The following CEP112 variants were observed in gnomAD, a reference collection of about 807,000 sequenced individuals.
CEP112 encodes centrosomal protein 112.
In CEP112, 127 loss-of-function variants were observed where a neutral mutation model predicts 153.0. The ratio of observed to expected loss-of-function variants is 0.83; its 90% CI spans 0.72 to 0.96. The LOEUF is 0.96. CEP112 is among the 40% of genes least tolerant of loss of function. CEP112 has a pLI of 0.00. For synonymous variants in CEP112, 358 were observed against 374.4 expected (o/e 0.96, Z 0.51); for missense variants, 1,089 against 1,101.2 (o/e 0.99, Z 0.16).
At position 66,132,639 on chromosome 17, in the gene CEP112, A is replaced by T. The variant is rs185466737; in HGVS notation, c.564+31T>A. On this transcript the variant is annotated intron_variant, in intron 5 of 26. Transcript: ENST00000535342. ...TTCAGCTATTTTAAAACAACAAGCA[A>T]AAACCAAACAAAAGTAAAATCTAAT... 11,129 of 1,508,902 alleles carry T rather than the reference A, an allele frequency of 7.4e-3. 49 individuals carry two copies. Among genetic ancestry groups the T allele is most frequent in the Non-Finnish European group, 9.4e-3 (10,186 of 1,085,026 alleles). 93.5% of individuals were successfully genotyped at this position (1,508,902 alleles called of 1,614,324 possible). A position where few individuals can be genotyped will look rare whatever the true frequency, so the allele number is the denominator to read the frequency against.
At chr17:66,073,888 A>G (rs1181257189) in intron 8 of CEP112, among the ~76,000 whole-genome samples, 5 of 152,204 alleles carry the variant, frequency 3.3e-5, no homozygotes, top group African/African-American at 1.2e-4. Context: ...CAAGGTATCA[A>G]CCACAAGGTC....
At chr17:66,150,117 G>T (rs12946674) in intron 4 of CEP112, among the ~76,000 whole-genome samples, 19,224 of 144,664 alleles carry the variant, frequency 0.13, 1,721 homozygotes, top group Non-Finnish European at 0.2. Flanking sequence ...AGCCAGGATG[G>T]TCTCGATCTC....
At chr17:66,019,378 C>T (rs550344159) in intron 16 of CEP112, among the ~76,000 whole-genome samples, 6 of 152,220 alleles carry the variant, frequency 3.9e-5, no homozygotes, top group Admixed American at 1.3e-4. Flanking sequence ...TCCAGAGCTA[C>T]GGAAGATTTA....
At chr17:65,777,905 A>C (rs966704181) in intron 21 of CEP112, among the ~76,000 whole-genome samples, 1 of 152,110 alleles carries the variant, frequency 6.6e-6, no homozygotes. Context: ...ATAGGCTTAA[A>C]ACCATTACTT....
chr17:66,007,842 G>A (rs74549801), intron 16 of CEP112, among the ~76,000 whole-genome samples: 327 of 152,124 alleles, frequency 2.1e-3, no homozygotes, highest in South Asian at 4.4e-3. Flanking sequence ...TGCTTTAATC[G>A]TTCTTTCTTA....
intron 23 of CEP112, among the ~76,000 whole-genome samples, chr17:65,704,420 TACACACACACACACACAC>T (rs3074178): frequency 6.8e-6 from 1 of 147,702 alleles, no homozygotes; most frequent in Non-Finnish European, 1.5e-5. Context: ...ACGTGTAAAA[TACACACACACACACACAC>T]ACACACACAC....
chr17:66,038,110 A>AAAAGAAAAAAAG (rs1555778646), intron 12 of CEP112, among the ~76,000 whole-genome samples: 1 of 120,658 alleles, frequency 8.3e-6, no homozygotes, highest in African/African-American at 3.3e-5. Flanking sequence ...CAAAAAAAAA[A>AAAAGAAAAAAAG]AAAAGAAAAG....
At position 65,991,455 on chromosome 17, in the gene CEP112, C is replaced by G. The variant is rs7207295; in HGVS notation, c.1736+14235G>C. Among the ~76,000 whole-genome samples, 394 of 152,154 alleles carry G rather than the reference C, an allele frequency of 2.6e-3. 1 individual carries two copies. Among genetic ancestry groups the G allele is most frequent in the African/African-American group, 9.1e-3 (378 of 41,546 alleles). ...AAAAAATATATTCAAAAGTTACAAA[C>G]TTAATTAATCTTTAAATATATATGC... On this transcript the variant is annotated intron_variant, in intron 17 of 26. Transcript: ENST00000535342.
At chr17:65,937,414 C>T (rs1480860112) in intron 18 of CEP112, among the ~76,000 whole-genome samples, 1 of 111,598 alleles carries the variant, frequency 9.0e-6, no homozygotes, top group African/African-American at 3.1e-5. Flanking sequence ...ATGTGGGGAG[C>T]GCCTCTGCCC....
At chr17:65,838,663 A>T (rs1479904099) in intron 21 of CEP112, among the ~76,000 whole-genome samples, 1 of 152,122 alleles carries the variant, frequency 6.6e-6, no homozygotes, top group African/African-American at 2.4e-5. Context: ...TGGAGCAAAA[A>T]TAACTGAAAT....
intron 24 of CEP112, among the ~76,000 whole-genome samples, chr17:65,661,226 A>G (rs7212269): frequency 0.076 from 11,604 of 152,100 alleles, 611 homozygotes; most frequent in Admixed American, 0.16. Flanking sequence ...CCATTCTTAC[A>G]TAGGACCTTC....
chr17:65,700,144 T>C (rs891628088), intron 23 of CEP112, among the ~76,000 whole-genome samples: 2 of 151,778 alleles, frequency 1.3e-5, no homozygotes, highest in Admixed American at 1.3e-4. Flanking sequence ...CTTGCGGATA[T>C]TTCCCTAACT....
At chr17:65,638,949 T>A (rs556905555) in intron 25 of CEP112, among the ~76,000 whole-genome samples, 7 of 152,120 alleles carry the variant, frequency 4.6e-5, no homozygotes, top group African/African-American at 1.7e-4. Flanking sequence ...AGGTCCTACA[T>A]AGCTGACACT....
chr17:66,183,600 G>T (rs1040924090), intron 1 of CEP112, among the ~76,000 whole-genome samples: 2 of 152,124 alleles, frequency 1.3e-5, no homozygotes, highest in Non-Finnish European at 2.9e-5. Context: ...AGCCACAGTA[G>T]TCAAGACAAT....
intron 24 of CEP112, among the ~76,000 whole-genome samples, chr17:65,657,725 A>G (rs2046130833): frequency 6.6e-6 from 1 of 152,194 alleles, no homozygotes; most frequent in African/African-American, 2.4e-5. Flanking sequence ...GAGGTTTATA[A>G]CTGACTTTGT....
intron 17 of CEP112, among the ~76,000 whole-genome samples, chr17:65,987,454 C>T (rs986196937): frequency 6.6e-6 from 1 of 151,708 alleles, no homozygotes; most frequent in Admixed American, 6.6e-5. Context: ...AAAATAAATG[C>T]TAAAAAAAGG....
chr17:65,989,801 AT>A (rs1325234997), intron 17 of CEP112, among the ~76,000 whole-genome samples: 2 of 152,338 alleles, frequency 1.3e-5, no homozygotes, highest in East Asian at 3.9e-4. Flanking sequence ...ATAAAAAACA[AT>A]ACTACCTACA....
intron 17 of CEP112, among the ~76,000 whole-genome samples, chr17:65,996,583 G>T (rs2063800894): frequency 6.6e-6 from 1 of 152,072 alleles, no homozygotes; most frequent in African/African-American, 2.4e-5. Context: ...TCCATCACGG[G>T]CTCACCACTG....
chr17:65,694,748 T>C (rs2048278809), intron 23 of CEP112, among the ~76,000 whole-genome samples: 1 of 152,182 alleles, frequency 6.6e-6, no homozygotes, highest in South Asian at 2.1e-4. Context: ...AAGGACTATG[T>C]GAAAATGACC....
Sources: allele counts gnomAD v4.1 joint callset (sites outside exome capture counted in the v4.1 genomes callset), GRCh38; gene constraint gnomAD v4.1.1; transcripts MANE v1.5; gene names NCBI Gene and HGNC (gene_info 2026-07-23, HGNC 2026-07-21).